The following MAGI2 variants were observed in gnomAD, a reference collection of about 807,000 sequenced individuals.
The protein encoded by MAGI2 is membrane associated guanylate kinase, WW and PDZ domain containing 2.
MAGI2 carries 35 observed loss-of-function variants against 133.3 expected under a neutral mutation model. The ratio of observed to expected loss-of-function variants is 0.26; its 90% CI spans 0.20 to 0.35. The LOEUF is 0.35. Among genes scored for constraint, MAGI2 ranks in the 10% least tolerant of loss-of-function variants. MAGI2 has a pLI of 1.00. For missense variants in MAGI2, 1,636 were observed against 1,863.4 expected, an observed-to-expected ratio of 0.88 and a Z score of 2.25; for synonymous variants, 729 against 710.6, an observed-to-expected ratio of 1.03 and a Z score of -0.41.
intron 1 of MAGI2, among the ~76,000 whole-genome samples, chr7:79,403,398 C>G (rs1033132721): frequency 6.6e-6 from 1 of 151,768 alleles, no homozygotes; most frequent in Admixed American, 6.6e-5. Context: ...ATGTAAAATA[C>G]AGTTGAAATG....
chr7:78,767,268 C>T (rs934944491), intron 2 of MAGI2, among the ~76,000 whole-genome samples: 5 of 152,076 alleles, frequency 3.3e-5, no homozygotes, highest in East Asian at 1.9e-4. Flanking sequence ...GGATTACAGG[C>T]GTGAGCCACC....
intron 5 of MAGI2, 101 bp downstream of exon 5, chr7:78,501,476 G>GTTTTTTTCTTTTTTTTTTTT (rs1794615005): frequency 9.7e-7 from 1 of 1,033,068 alleles, no homozygotes; most frequent in Non-Finnish European, 1.4e-6. Context: ...AGAATTTCAT[G>GTTTTTTTCTTTTTTTTTTTT]TTTTTTTCTT....
chr7:78,616,414 G>A (rs983051170), intron 3 of MAGI2: 2 of 151,714 alleles, frequency 1.3e-5, no homozygotes. Context: ...TTCATAGGTA[G>A]TAAAATACAT....
intron 2 of MAGI2, among the ~76,000 whole-genome samples, chr7:78,669,940 C>G (rs1267236030): frequency 1.3e-5 from 2 of 151,546 alleles, no homozygotes; most frequent in African/African-American, 4.9e-5. Context: ...TAAGAGCTAT[C>G]TATGACAAAC....
At chr7:78,527,029 A>AAAAAAAAAAAAAAAAAG (rs1563125198) in intron 3 of MAGI2, among the ~76,000 whole-genome samples, 1 of 124,836 alleles carries the variant, frequency 8.0e-6, no homozygotes, top group Non-Finnish European at 1.7e-5. Flanking sequence ...AAAAAAAAAA[A>AAAAAAAAAAAAAAAAAG]AAAAAGAAAA....
At chr7:79,093,030 T>A (rs535152344) in intron 1 of MAGI2, among the ~76,000 whole-genome samples, 1 of 152,268 alleles carries the variant, frequency 6.6e-6, no homozygotes, top group African/African-American at 2.4e-5. Flanking sequence ...TGTCTTTAGA[T>A]CAGGTATTAT....
chr7:79,289,881 AATTT>A (rs1424171683), intron 1 of MAGI2, among the ~76,000 whole-genome samples: 1 of 152,064 alleles, frequency 6.6e-6, no homozygotes, highest in African/African-American at 2.4e-5. Flanking sequence ...TGTAAAAAAA[AATTT>A]AAAAAATAAA....
chr7:78,304,922 G>C (rs182759368), intron 9 of MAGI2, among the ~76,000 whole-genome samples: 22 of 152,316 alleles, frequency 1.4e-4, no homozygotes, highest in African/African-American at 5.1e-4. Context: ...TCCAAGAGCA[G>C]TCAGGAGACC....
At chr7:78,767,887 C>T (rs1283587554) in intron 2 of MAGI2, among the ~76,000 whole-genome samples, 1 of 152,182 alleles carries the variant, frequency 6.6e-6, no homozygotes, top group African/African-American at 2.4e-5. Context: ...TTTTAGCTCT[C>T]ATTAAGAACT....
intron 1 of MAGI2, among the ~76,000 whole-genome samples, chr7:79,237,449 C>T (rs941205635): frequency 3.3e-5 from 5 of 152,232 alleles, no homozygotes; most frequent in South Asian, 2.1e-4. Context: ...GCCAACGTCG[C>T]GCCACTGAAA....
chr7:79,390,484 G>T (rs1844521621), intron 1 of MAGI2, among the ~76,000 whole-genome samples: 1 of 152,158 alleles, frequency 6.6e-6, no homozygotes, highest in Non-Finnish European at 1.5e-5. Context: ...TTATTTAGAA[G>T]TCAGTTATAA....
chr7:78,159,811 C>A (rs963223617), intron 16 of MAGI2: 4 of 422,154 alleles, frequency 9.5e-6, no homozygotes, highest in Non-Finnish European at 1.6e-5. Flanking sequence ...GAGTTGAGGG[C>A]ATTAGTTGTG....
At chr7:79,353,768 T>C (rs982779920) in intron 1 of MAGI2, 7 of 243,360 alleles carry the variant, frequency 2.9e-5, no homozygotes, top group East Asian at 1.1e-4. Context: ...GCTGGGACTC[T>C]GCTGGGCACT....
intron 2 of MAGI2, among the ~76,000 whole-genome samples, chr7:78,930,505 A>G (rs751641760): frequency 1.3e-5 from 2 of 152,076 alleles, no homozygotes; most frequent in Non-Finnish European, 2.9e-5. Flanking sequence ...GTCAGATTCA[A>G]TGGGTTAATC....
In MAGI2 at chr7:78,197,279, G is replaced by A. The variant is rs146256123; in HGVS notation, c.2080-2216C>T. On this transcript the variant is annotated intron_variant, in intron 11 of 21. Coordinates refer to ENST00000354212, the MANE Select transcript of MAGI2 (RefSeq NM_012301.4). ...AGCTGACTTTAGGCAGCATGTGGAT[G>A]CATTCTAGCTGTGACTTTATCCCTT... is the stretch of plus-strand genomic sequence containing the variant. 5.0e-3 allele frequency among the ~76,000 whole-genome samples: 755 copies of A among 152,314 alleles called. 6 individuals carry two copies. The highest frequency in any genetic ancestry group is 0.017 in the African/African-American group (712 of 41,570).
chr7:78,226,403 C>T (rs1002296351), intron 10 of MAGI2, among the ~76,000 whole-genome samples: 2 of 151,420 alleles, frequency 1.3e-5, no homozygotes, highest in Non-Finnish European at 2.9e-5. Flanking sequence ...GGATTATAGA[C>T]AAAATACAGG....
intron 2 of MAGI2, among the ~76,000 whole-genome samples, chr7:78,733,984 A>G (rs763798297): frequency 6.6e-6 from 1 of 152,224 alleles, no homozygotes; most frequent in Non-Finnish European, 1.5e-5. Context: ...AAATTAATAT[A>G]CTGTCTCAGT....
At chr7:78,384,334 C>T (rs540158399) in intron 6 of MAGI2, among the ~76,000 whole-genome samples, 1 of 152,094 alleles carries the variant, frequency 6.6e-6, no homozygotes, top group South Asian at 2.1e-4. Context: ...TCACAAGATC[C>T]ATGGATCAGA....
chr7:78,911,523 A>T (rs1047356449), intron 2 of MAGI2, among the ~76,000 whole-genome samples: 3 of 152,118 alleles, frequency 2.0e-5, no homozygotes, highest in Admixed American at 2.0e-4. Flanking sequence ...ATTGTCCCTC[A>T]CCAGACACTA....
Sources: allele counts gnomAD v4.1 joint callset (sites outside exome capture counted in the v4.1 genomes callset), GRCh38; gene constraint gnomAD v4.1.1; transcripts MANE v1.5; gene names NCBI Gene and HGNC (gene_info 2026-07-23, HGNC 2026-07-21).